The following EIF3D variants were observed in gnomAD, a reference collection of about 807,000 sequenced individuals.
EIF3D encodes the protein eIF3 p66.
Under a neutral mutation model 75.4 loss-of-function variants are expected in EIF3D, and 10 were observed. That is an observed-to-expected ratio of 0.13 (90% CI 0.08 to 0.22). The LOEUF (loss-of-function observed/expected upper bound fraction) is 0.22, where lower values mean the gene tolerates loss of function less well. Ranked by LOEUF, EIF3D falls within the 10% of genes least tolerant of loss-of-function variation. The probability of loss-of-function intolerance (pLI) is 1.00; values close to 1 mark genes in which losing one functional copy is unlikely to be tolerated. For synonymous variants in EIF3D, 246 were observed against 248.3 expected, an observed-to-expected ratio of 0.99 and a Z score of 0.09; for missense variants, 394 against 708.0, an observed-to-expected ratio of 0.56 and a Z score of 5.03.
chr22:36,523,035 T>C, intron 6 of EIF3D, 174 bp downstream of exon 6: 1 of 591,898 alleles, frequency 1.7e-6, no homozygotes. Flanking sequence ...GGTAAGGGAT[T>C]CTTTTGAGGG....
In EIF3D at chr22:36,516,699, A is replaced by C. The variant is rs755487622; in HGVS notation, c.1076+6T>G. 2.1e-5 allele frequency: 34 copies of C among 1,614,064 alleles called. No homozygotes were observed. The highest frequency in any genetic ancestry group is 2.9e-5 in the Non-Finnish European group (34 of 1,180,018). Reference sequence around the variant, plus strand: ...GGCCACAATACCCACCAGAGAGGTGACCTACCGGTACGCAACAGAGGCGAT... The same window carrying C: ...GGCCACAATACCCACCAGAGAGGTGCCCTACCGGTACGCAACAGAGGCGAT... On this transcript the variant is annotated splice_donor_region_variant and intron_variant, in intron 11 of 14. Transcript: ENST00000216190.
chr22:36,519,735 C>T (rs1393558772), intron 7 of EIF3D, among the ~76,000 whole-genome samples, 198 bp from the exon 8 acceptor site: 1 of 152,320 alleles, frequency 6.6e-6, no homozygotes, highest in East Asian at 1.9e-4. Context: ...ACAGCAAGCA[C>T]AACTCATCTA....
intron 1 of EIF3D, among the ~76,000 whole-genome samples, chr22:36,526,613 C>CT (rs542035473): frequency 6.2e-4 from 91 of 145,710 alleles, no homozygotes; most frequent in East Asian, 1.8e-3. Flanking sequence ...TTCTTTCTTT[C>CT]TTTTTTTTTT....
At chr22:36,522,096 G>A (rs1254163006) in intron 6 of EIF3D, among the ~76,000 whole-genome samples, 1 of 152,146 alleles carries the variant, frequency 6.6e-6, no homozygotes, top group Non-Finnish European at 1.5e-5. Flanking sequence ...GCTCATGGCT[G>A]TAACCCCAGC....
At chr22:36,520,744 T>G in intron 6 of EIF3D, 56 bp from the exon 7 acceptor site, 1 of 1,279,894 alleles carries the variant, frequency 7.8e-7, no homozygotes, top group Non-Finnish European at 1.1e-6. Flanking sequence ...AAAACATAAA[T>G]AAAAGACAGG....
rs1368977323 is a variant in EIF3D, at chr22:36,518,839, T to C, written c.783A>G (p.Ser261=). Residue 261 remains serine (S), a synonymous_variant, in exon 9 of 15, where the codon TCA becomes TCG. Transcript: ENST00000216190. ...GGACGACAATATCCCAGGAATACAC[T>C]GAGCGGGTACAGCTCATCAGCGTGG... is the stretch of plus-strand genomic sequence containing the variant. ...ILATLMSCTR[S]VYSWDIVVQR... is the part of the protein sequence containing the mutation. 3.7e-6 allele frequency: 6 copies of C among 1,614,102 alleles called. No homozygotes were observed. Among genetic ancestry groups the C allele is most frequent in the Admixed American group, 1.7e-5 (1 of 60,008 alleles).
In EIF3D at chr22:36,511,609, G is replaced by A. The variant is rs138008565; in HGVS notation, c.1527C>T (p.Leu509=). 21 of 1,613,996 alleles carry A rather than the reference G, an allele frequency of 1.3e-5. No homozygotes were observed. The African/African-American group carries it at 2.3e-4, about 17-fold the overall frequency. ...MKLEEGKYLI[L]KDPNKQVIRV... ...GGATGACCTGCTTGTTGGGGTCCTT[G>A]AGGATGAGGTATTTGCCCTCCTCCA... Residue 509 remains leucine, a synonymous_variant, in exon 14 of 15, where the codon CTC becomes CTT. Transcript: ENST00000216190.
At chr22:36,515,903 G>A (rs898847193) in intron 12 of EIF3D, among the ~76,000 whole-genome samples, 13 of 149,286 alleles carry the variant, frequency 8.7e-5, no homozygotes, top group Admixed American at 1.3e-4. Flanking sequence ...GCGGGGGGGC[G>A]GATTGGGAGG....
chr22:36,525,043 G>A (rs1934573719), intron 3 of EIF3D, among the ~76,000 whole-genome samples: 1 of 152,112 alleles, frequency 6.6e-6, no homozygotes, highest in African/African-American at 2.4e-5. Flanking sequence ...GAGAATCTGA[G>A]GTATTTATTG....
rs767339874 is a variant in EIF3D, at chr22:36,516,454, AG to A, written c.1206+23del. ...GGAATAGAGACATGGTGTCACCAGG[AG>A]GGTGATGGAGATGGCGGCTCACCCT... On this transcript the variant is annotated intron_variant, in intron 12 of 14. Transcript: ENST00000216190. 7.5e-6 allele frequency: 12 copies of A among 1,610,656 alleles called. No homozygotes were observed. In the African/African-American group the frequency reaches 1.3e-4, roughly 18 times the overall value.
At chr22:36,515,816 C>A (rs1381688171) in intron 12 of EIF3D, among the ~76,000 whole-genome samples, 6 of 149,898 alleles carry the variant, frequency 4.0e-5, no homozygotes, top group African/African-American at 1.5e-4. Context: ...GGGGAGCTCA[C>A]CAGGAAAAAT....
Position 36,520,583 on chromosome 22 carries a change from G to A in EIF3D, c.571C>T (p.Gln191Ter). 1 of 1,611,040 alleles carries A rather than the reference G, an allele frequency of 6.2e-7. No individual in the cohort carries two copies. Among genetic ancestry groups the A allele is most frequent in the Non-Finnish European group, 8.5e-7 (1 of 1,177,374 alleles). Residue 191 changes from glutamine (Q) to a stop codon, truncating the protein, a stop_gained, in exon 7 of 15, where the codon CAG (glutamine) becomes TAG (stop). Transcript: ENST00000216190. LOFTEE classifies it high-confidence loss of function. ...GTAAAAGATGCTGCTTACATGTCCTGTGGCTCTGATACTTCCAAGTAGCGC... is the reference window on the plus strand; with the variant it reads ...GTAAAAGATGCTGCTTACATGTCCTATGGCTCTGATACTTCCAAGTAGCGC... ...KMRYLEVSEP[Q>*]DIECCGALEY...
At chr22:36,518,382 G>A (rs1464154388) in intron 9 of EIF3D, among the ~76,000 whole-genome samples, 2 of 152,010 alleles carry the variant, frequency 1.3e-5, no homozygotes, top group African/African-American at 2.4e-5. Flanking sequence ...CCAGCTATTC[G>A]GGAGGCTGAG....
At chr22:36,528,531 G>A (rs1343165272) in intron 1 of EIF3D, among the ~76,000 whole-genome samples, 2 of 146,950 alleles carry the variant, frequency 1.4e-5, no homozygotes, top group Non-Finnish European at 3.0e-5. Context: ...TTCCAAGAGG[G>A]CACTCAGAAG....
At chr22:36,521,837 T>C (rs1244153442) in intron 6 of EIF3D, among the ~76,000 whole-genome samples, 1 of 150,002 alleles carries the variant, frequency 6.7e-6, no homozygotes, top group Non-Finnish European at 1.5e-5. Flanking sequence ...CCTGGGAGGC[T>C]GAGGTGTGAG....
intron 14 of EIF3D, 37 bp from the exon 15 acceptor site, chr22:36,511,037 G>A (rs577815165): frequency 8.1e-6 from 13 of 1,600,566 alleles, no homozygotes; most frequent in African/African-American, 1.4e-5. Context: ...AATGAGCCAG[G>A]TTGTGTGATA....
At chr22:36,515,271 G>A (rs768130484) in intron 12 of EIF3D, among the ~76,000 whole-genome samples, 30 of 152,382 alleles carry the variant, frequency 2.0e-4, no homozygotes, top group Non-Finnish European at 4.0e-4. Context: ...GCTCACGCCT[G>A]TAATCCCAGC....
Position 36,527,375 on chromosome 22 carries a change from CCA to C in EIF3D, c.-10-1246_-10-1245del, listed in dbSNP as rs1019477988. Among the ~76,000 whole-genome samples, 12 of 152,294 alleles carry C rather than the reference CCA, an allele frequency of 7.9e-5. 1 individual carries two copies. The highest frequency in any genetic ancestry group is 2.6e-4 in the African/African-American group (11 of 41,544). On this transcript the variant is annotated intron_variant, in intron 1 of 14. Transcript: ENST00000216190. ...AAACGTGAACCAAAGCAGTCTGACC[CCA>C]GAGTCTGCACTCTGCATAATGCTAT...
chr22:36,511,879 C>A (rs1934343208), intron 13 of EIF3D, 93 bp from the exon 14 acceptor site: 1 of 1,486,286 alleles, frequency 6.7e-7, no homozygotes, highest in African/African-American at 1.4e-5. Context: ...GATACCTGGT[C>A]CACTGCTATT....
Sources: gnomAD v4.1 joint callset for allele counts (sites outside exome capture counted in the v4.1 genomes callset) on GRCh38, gnomAD v4.1.1 for gene constraint, MANE v1.5 for transcripts, NCBI Gene and HGNC (gene_info 2026-07-23, HGNC 2026-07-21) for gene names.